Variants in ZRANB3 observed in about 807,000 individuals in gnomAD.
The protein encoded by ZRANB3 is DNA annealing helicase and endonuclease ZRANB3.
A neutral mutation model predicts 133.8 loss-of-function variants in ZRANB3; 125 were observed. The ratio of observed to expected loss-of-function variants is 0.93; its 90% CI spans 0.81 to 1.08. The LOEUF is 1.08. Among genes scored for constraint, ZRANB3 ranks in the 50% least tolerant of loss-of-function variants. The pLI is 0.00. For synonymous variants in ZRANB3, 387 were observed against 432.7 expected, an observed-to-expected ratio of 0.89 and a Z score of 1.31; for missense variants, 1,229 against 1,275.5, an observed-to-expected ratio of 0.96 and a Z score of 0.56.
intron 2 of ZRANB3, among the ~76,000 whole-genome samples, chr2:135,476,616 GT>G (rs1300175475): frequency 6.6e-6 from 1 of 150,802 alleles, no homozygotes; most frequent in Non-Finnish European, 1.5e-5. Flanking sequence ...TAAACACTAG[GT>G]AATTAAGTTA....
At chr2:135,472,925 T>C (rs1418462708) in intron 2 of ZRANB3, among the ~76,000 whole-genome samples, 1 of 152,234 alleles carries the variant, frequency 6.6e-6, no homozygotes, top group Non-Finnish European at 1.5e-5. Context: ...GTAACACTTC[T>C]AGCATATAAT....
chr2:135,497,890 T>C (rs1009326904), intron 2 of ZRANB3, among the ~76,000 whole-genome samples: 2 of 151,734 alleles, frequency 1.3e-5, no homozygotes, highest in Non-Finnish European at 2.9e-5. Context: ...TTGTCTCTAC[T>C]AAAAATACAA....
chr2:135,221,662 T>C lies in ZRANB3; in HGVS notation c.2251-2484A>G, dbSNP rs112138930. Among the ~76,000 whole-genome samples the C allele has an allele frequency of 3.0e-3, 456 of 152,338 alleles. 3 individuals are homozygous for C. The highest frequency in any genetic ancestry group is 0.01 in the African/African-American group (422 of 41,584). On this transcript the variant is annotated intron_variant, in intron 15 of 20. Transcript: ENST00000264159. Reference sequence around the variant, plus strand: ...TTTCTCTGTCCCTCTCATGTGATGGTCTGAGAAAGAGGCATGGCCTAAAGA... The same window carrying C: ...TTTCTCTGTCCCTCTCATGTGATGGCCTGAGAAAGAGGCATGGCCTAAAGA...
chr2:135,498,609 C>T (rs1305106725), intron 2 of ZRANB3, among the ~76,000 whole-genome samples: 1 of 152,134 alleles, frequency 6.6e-6, no homozygotes, highest in East Asian at 1.9e-4. Context: ...GAGAGATAAC[C>T]ATTAAGTCTG....
At chr2:135,453,361 T>C (rs1209338951) in intron 2 of ZRANB3, among the ~76,000 whole-genome samples, 1 of 152,244 alleles carries the variant, frequency 6.6e-6, no homozygotes, top group Admixed American at 6.5e-5. Flanking sequence ...TTAGGCTCCT[T>C]GCTACTTATG....
chr2:135,346,838 A>G (rs1480240345), intron 5 of ZRANB3, among the ~76,000 whole-genome samples: 2 of 152,218 alleles, frequency 1.3e-5, no homozygotes, highest in Non-Finnish European at 2.9e-5. Flanking sequence ...AACATAATTC[A>G]GTGGCTTTCA....
chr2:135,413,991 G>A (rs994532541), intron 2 of ZRANB3, among the ~76,000 whole-genome samples: 1 of 151,948 alleles, frequency 6.6e-6, no homozygotes, highest in Non-Finnish European at 1.5e-5. Flanking sequence ...ACCAACCGTG[G>A]CAAAATCATG....
intron 6 of ZRANB3, among the ~76,000 whole-genome samples, chr2:135,334,852 AC>A (rs1194686796): frequency 6.6e-6 from 1 of 152,090 alleles, no homozygotes; most frequent in Non-Finnish European, 1.5e-5. Flanking sequence ...CTGAGATCGC[AC>A]CACTGCACTC....
intron 8 of ZRANB3, among the ~76,000 whole-genome samples, chr2:135,304,052 A>G (rs1172018938): frequency 6.6e-6 from 1 of 152,160 alleles, no homozygotes; most frequent in African/African-American, 2.4e-5. Flanking sequence ...AATATGGACA[A>G]TTTTACTTAC....
intron 1 of ZRANB3, among the ~76,000 whole-genome samples, chr2:135,510,094 T>C (rs756544395): frequency 6.6e-6 from 1 of 152,164 alleles, no homozygotes; most frequent in Non-Finnish European, 1.5e-5. Flanking sequence ...CAATTTGGGG[T>C]TTTCCTGCCT....
At chr2:135,231,839 G>A (rs1370305850) in intron 12 of ZRANB3, among the ~76,000 whole-genome samples, 1 of 152,068 alleles carries the variant, frequency 6.6e-6, no homozygotes, top group Non-Finnish European at 1.5e-5. Context: ...GGCCGAATAG[G>A]AACAGCTCCA....
At chr2:135,520,113 G>A (rs1383927472) in intron 1 of ZRANB3, among the ~76,000 whole-genome samples, 7 of 150,822 alleles carry the variant, frequency 4.6e-5, no homozygotes, top group Admixed American at 4.6e-4. Flanking sequence ...GTCAGGCACG[G>A]TGGCTCATGC....
At chr2:135,287,371 C>T (rs1681430535) in intron 8 of ZRANB3, among the ~76,000 whole-genome samples, 1 of 152,012 alleles carries the variant, frequency 6.6e-6, no homozygotes, top group Non-Finnish European at 1.5e-5. Flanking sequence ...TGGATTTGTT[C>T]TTTTTTGCTT....
At chr2:135,284,823 G>C (rs541824733) in intron 8 of ZRANB3, among the ~76,000 whole-genome samples, 3 of 151,354 alleles carry the variant, frequency 2.0e-5, no homozygotes, top group Admixed American at 2.0e-4. Context: ...AACAAGAGAG[G>C]TTATTTCTTC....
intron 2 of ZRANB3, among the ~76,000 whole-genome samples, chr2:135,404,557 A>T (rs1483828255): frequency 6.6e-6 from 1 of 152,174 alleles, no homozygotes; most frequent in Non-Finnish European, 1.5e-5. Context: ...ACTTCCCCAA[A>T]CTAGCAAGTC....
At chr2:135,293,819 T>C (rs549024819) in intron 8 of ZRANB3, among the ~76,000 whole-genome samples, 22 of 150,994 alleles carry the variant, frequency 1.5e-4, no homozygotes, top group African/African-American at 5.1e-4. Flanking sequence ...TTGTTGAATT[T>C]TGTCAAAGGC....
chr2:135,301,949 T>C (rs974465965), intron 8 of ZRANB3, among the ~76,000 whole-genome samples: 2 of 152,192 alleles, frequency 1.3e-5, no homozygotes, highest in African/African-American at 4.8e-5. Flanking sequence ...ACTGAATTAA[T>C]AGGAAAACAT....
At position 135,363,959 on chromosome 2, in the gene ZRANB3, A is replaced by G. The variant is rs76006705; in HGVS notation, c.181-10331T>C. ...GATGTGCTGGCATGTGCCTGTAGTC[A>G]TAACTACTGGGGAGGCTGAGCTAGG... On this transcript the variant is annotated intron_variant, in intron 3 of 20. Coordinates refer to ENST00000264159, the MANE Select transcript of ZRANB3 (RefSeq NM_032143.4). Among the ~76,000 whole-genome samples, 451 of 152,250 alleles carry G rather than the reference A, an allele frequency of 3.0e-3. 3 individuals carry two copies. The highest frequency in any genetic ancestry group is 0.01 in the African/African-American group (420 of 41,538).
intron 8 of ZRANB3, among the ~76,000 whole-genome samples, chr2:135,313,131 T>G (rs1683082045): frequency 6.6e-6 from 1 of 151,458 alleles, no homozygotes; most frequent in African/African-American, 2.4e-5. Flanking sequence ...TTGGAAAAGA[T>G]AAATATATGG....
Sources: allele counts gnomAD v4.1 joint callset (sites outside exome capture counted in the v4.1 genomes callset), GRCh38; gene constraint gnomAD v4.1.1; transcripts MANE v1.5; gene names NCBI Gene and HGNC (gene_info 2026-07-23, HGNC 2026-07-21).